Variants in CCDC50 observed in about 807,000 individuals in gnomAD.
CCDC50 encodes the protein coiled-coil domain-containing protein 50.
A neutral mutation model predicts 70.2 loss-of-function variants in CCDC50; 54 were observed. The ratio of observed to expected loss-of-function variants is 0.77; its 90% CI spans 0.62 to 0.96. The LOEUF (loss-of-function observed/expected upper bound fraction) is 0.96. Among genes scored for constraint, CCDC50 ranks in the 50% least tolerant of loss-of-function variants. The pLI is 0.00. For missense variants in CCDC50, 558 were observed against 578.7 expected (o/e 0.96, Z 0.37); for synonymous variants, 216 against 198.8 (o/e 1.09, Z -0.73).
At chr3:191,390,764 C>G (rs891914231) in intron 11 of CCDC50, among the ~76,000 whole-genome samples, 2 of 152,182 alleles carry the variant, frequency 1.3e-5, no homozygotes, top group Non-Finnish European at 2.9e-5. Context: ...GTCTTCATGA[C>G]CTGTGTGTTG....
At chr3:191,363,962 G>T (rs1712584534) in intron 4 of CCDC50, among the ~76,000 whole-genome samples, 1 of 152,296 alleles carries the variant, frequency 6.6e-6, no homozygotes, top group African/African-American at 2.4e-5. Context: ...TAGTCTGTTG[G>T]TAACAGGGTG....
intron 4 of CCDC50, among the ~76,000 whole-genome samples, chr3:191,365,798 C>G (rs899840290): frequency 1.1e-4 from 16 of 152,282 alleles, no homozygotes; most frequent in Admixed American, 9.2e-4. Context: ...AGAAGTAACT[C>G]TCTATCCCTT....
At chr3:191,339,285 T>C (rs1392228582) in intron 1 of CCDC50, among the ~76,000 whole-genome samples, 1 of 152,218 alleles carries the variant, frequency 6.6e-6, no homozygotes, top group Non-Finnish European at 1.5e-5. Flanking sequence ...ATATGGTGTA[T>C]TAGAAGTTAA....
intron 6 of CCDC50, 141 bp from the exon 7 acceptor site, chr3:191,380,018 A>ACC: frequency 3.1e-6 from 2 of 643,920 alleles, no homozygotes; most frequent in Non-Finnish European, 5.5e-6. Context: ...TTTTTAATGC[A>ACC]CCCCACACTG....
At position 191,396,519 on chromosome 3, in the gene CCDC50, G is replaced by T. The variant is rs1713862686; in HGVS notation, c.*4759G>T. 3.3e-5 allele frequency: 5 copies of T among 152,182 alleles called. No homozygotes were observed. In the South Asian group the frequency reaches 1.0e-3, roughly 32 times the overall value. 9.4% of individuals were successfully genotyped at this position (152,182 alleles called of 1,614,324 possible). ...ACCAGGTACCACTTCTTGAGTAACTGAGAGTTGACTGTCTTCTATGGTGAC... is the reference window on the plus strand; with the variant it reads ...ACCAGGTACCACTTCTTGAGTAACTTAGAGTTGACTGTCTTCTATGGTGAC... On this transcript the variant is annotated 3_prime_UTR_variant, in exon 12 of 12. Transcript: ENST00000392455.
intron 6 of CCDC50, 83 bp from the exon 7 acceptor site, chr3:191,380,076 A>G (rs939314055): frequency 4.8e-6 from 4 of 833,826 alleles, no homozygotes; most frequent in Non-Finnish European, 7.9e-6. Flanking sequence ...CTAAAGAAAA[A>G]TCTCCTTTAT....
chr3:191,356,743 C>A (rs1187176514), intron 1 of CCDC50, among the ~76,000 whole-genome samples: 13 of 152,122 alleles, frequency 8.5e-5, no homozygotes, highest in Admixed American at 8.5e-4. Flanking sequence ...ATGACTGATA[C>A]GTCTGTTATT....
At chr3:191,382,551 A>T (rs1326876302) in intron 9 of CCDC50, among the ~76,000 whole-genome samples, 195 bp from the exon 10 acceptor site, 1 of 152,158 alleles carries the variant, frequency 6.6e-6, no homozygotes, top group Admixed American at 6.6e-5. Context: ...CTTTGCAGCT[A>T]TAAATTTTCT....
At chr3:191,370,171 T>G (rs1712851122) in intron 5 of CCDC50, 135 bp downstream of exon 5, 2 of 706,874 alleles carry the variant, frequency 2.8e-6, no homozygotes, top group Non-Finnish European at 5.1e-6. Flanking sequence ...CATTTAGATG[T>G]GTGGCAGGAT....
chr3:191,381,160 C>G (rs1713304820), intron 9 of CCDC50, among the ~76,000 whole-genome samples: 1 of 152,048 alleles, frequency 6.6e-6, no homozygotes, highest in Non-Finnish European at 1.5e-5. Flanking sequence ...ATTCTGTTCC[C>G]TTTAAGACGG....
At chr3:191,369,721 C>G (rs890866757) in intron 4 of CCDC50, among the ~76,000 whole-genome samples, 198 bp from the exon 5 acceptor site, 1 of 152,088 alleles carries the variant, frequency 6.6e-6, no homozygotes, top group African/African-American at 2.4e-5. Flanking sequence ...TTAAAAAAGC[C>G]TGTCTCACTT....
chr3:191,385,197 G>GTAA (rs1266070528), intron 10 of CCDC50, among the ~76,000 whole-genome samples: 10 of 152,146 alleles, frequency 6.6e-5, no homozygotes, highest in Non-Finnish European at 1.5e-4. Flanking sequence ...AATTGCCAGG[G>GTAA]TAATGGTAGC....
At chr3:191,345,444 T>G (rs973093410) in intron 1 of CCDC50, among the ~76,000 whole-genome samples, 1 of 152,236 alleles carries the variant, frequency 6.6e-6, no homozygotes. Context: ...TTTTCCCTGC[T>G]TTTTCACTCT....
At chr3:191,368,627 CATTCGCACCT>C (rs1368472665) in intron 4 of CCDC50, among the ~76,000 whole-genome samples, 1 of 150,634 alleles carries the variant, frequency 6.6e-6, no homozygotes, top group Non-Finnish European at 1.5e-5. Flanking sequence ...GGGTATTCTT[CATTCGCACCT>C]ATTCATAAAA....
intron 1 of CCDC50, among the ~76,000 whole-genome samples, chr3:191,351,304 G>A (rs926844055): frequency 7.0e-6 from 1 of 142,032 alleles, no homozygotes; most frequent in African/African-American, 2.5e-5. Context: ...TTTAAAGGCT[G>A]TTTTAGGCCT....
chr3:191,385,665 C>G (rs1212938204), intron 10 of CCDC50, among the ~76,000 whole-genome samples: 1 of 140,138 alleles, frequency 7.1e-6, no homozygotes, highest in African/African-American at 2.5e-5. Context: ...TCCTATTTGT[C>G]TGTTTTTGAT....
intron 10 of CCDC50, among the ~76,000 whole-genome samples, chr3:191,385,284 G>A (rs1424940785): frequency 1.3e-5 from 2 of 152,192 alleles, no homozygotes; most frequent in African/African-American, 4.8e-5. Flanking sequence ...CATCAACAGT[G>A]TAAAAGTGGT....
At chr3:191,388,020 A>G (rs1215182319) in intron 10 of CCDC50, among the ~76,000 whole-genome samples, 1 of 152,128 alleles carries the variant, frequency 6.6e-6, no homozygotes, top group African/African-American at 2.4e-5. Flanking sequence ...TTTATTAAAG[A>G]TAAGTGTTAA....
rs1713051585 is a variant in CCDC50, at chr3:191,375,164, C to T, written c.551C>T (p.Pro184Leu). The T allele has an allele frequency of 5.0e-6, 8 of 1,613,702 alleles. No homozygotes were observed. The highest frequency in any genetic ancestry group is 1.7e-4 in the Middle Eastern group (1 of 6,056). Residue 184 changes from proline (P) to leucine (L), a missense_variant, in exon 6 of 12, where the codon CCA (proline) becomes CTA (leucine). Pro to Leu is a moderately conservative substitution (Grantham distance 98). Transcript: ENST00000392455. ...GKTVKHKKEK[P>L]EHPLENLEEP... ...ACTGTGAAGCACAAGAAAGAGAAAC[C>T]AGAACATCCACTGGAGAACTTGGAA...
Sources: allele counts gnomAD v4.1 joint callset (sites outside exome capture counted in the v4.1 genomes callset), GRCh38; gene constraint gnomAD v4.1.1; transcripts MANE v1.5; gene names NCBI Gene and HGNC (gene_info 2026-07-23, HGNC 2026-07-21).